DAAM1: variants seen among roughly 807,000 people sequenced by gnomAD.
The protein encoded by DAAM1 is disheveled-associated activator of morphogenesis 1.
DAAM1 carries 52 observed loss-of-function variants against 130.0 expected under a neutral mutation model. The observed-to-expected ratio is 0.40, with a 90% CI of 0.32 to 0.50. The LOEUF (loss-of-function observed/expected upper bound fraction) is 0.50. Among genes scored for constraint, DAAM1 ranks in the 20% least tolerant of loss-of-function variants. The probability of loss-of-function intolerance (pLI) is 0.61; values close to 1 mark genes in which losing one functional copy is unlikely to be tolerated. For missense variants in DAAM1, 1,134 were observed against 1,303.8 expected (o/e 0.87, Z 2.01); for synonymous variants, 452 against 444.5 (o/e 1.02, Z -0.21).
chr14:59,212,044 ACTTT>A (rs1888440761), intron 1 of DAAM1, among the ~76,000 whole-genome samples: 1 of 152,108 alleles, frequency 6.6e-6, no homozygotes, highest in Non-Finnish European at 1.5e-5. Flanking sequence ...ACATTTTGTA[ACTTT>A]CTTTATGTAG....
rs532339743 is a variant in DAAM1, at chr14:59,202,469, C to A, written c.-38+13701C>A. Among the ~76,000 whole-genome samples the A allele has an allele frequency of 1.9e-4, 29 of 152,338 alleles. No homozygotes were observed. The South Asian group carries it at 5.8e-3, about 30-fold the overall frequency. On this transcript the variant is annotated intron_variant, in intron 1 of 24. Transcript: ENST00000360909. ...ATACTTGGCATTTTATGGACTATCCCATAAACCATAAAAGCAACACCTTAA... is the reference window on the plus strand; with the variant it reads ...ATACTTGGCATTTTATGGACTATCCAATAAACCATAAAAGCAACACCTTAA...
At chr14:59,191,716 C>A (rs1887735633) in intron 1 of DAAM1, among the ~76,000 whole-genome samples, 1 of 152,168 alleles carries the variant, frequency 6.6e-6, no homozygotes, top group African/African-American at 2.4e-5. Context: ...TTCTAGATTT[C>A]TCTCAGTTGC....
chr14:59,351,583 C>T (rs1198664342), intron 17 of DAAM1, among the ~76,000 whole-genome samples: 1 of 152,150 alleles, frequency 6.6e-6, no homozygotes, highest in East Asian at 1.9e-4. Context: ...CCTCACACAA[C>T]ACCTGCCTGT....
chr14:59,324,013 C>T (rs1594822804), intron 6 of DAAM1, 115 bp from the exon 7 acceptor site: 2 of 603,882 alleles, frequency 3.3e-6, no homozygotes, highest in East Asian at 3.5e-5. Context: ...GCCTGGGCAA[C>T]AGAGCAAGAC....
At chr14:59,190,556 C>A (rs1887701871) in intron 1 of DAAM1, among the ~76,000 whole-genome samples, 1 of 152,146 alleles carries the variant, frequency 6.6e-6, no homozygotes, top group Non-Finnish European at 1.5e-5. Flanking sequence ...CCTTGTGGTT[C>A]TCATAAAATC....
intron 5 of DAAM1, among the ~76,000 whole-genome samples, chr14:59,322,100 A>G (rs894360739): frequency 6.6e-6 from 1 of 152,192 alleles, no homozygotes; most frequent in Non-Finnish European, 1.5e-5. Context: ...ACAAAACCTT[A>G]GGGATGTAGA....
intron 1 of DAAM1, among the ~76,000 whole-genome samples, chr14:59,197,474 A>G (rs145276295): frequency 1.5e-3 from 221 of 152,312 alleles, no homozygotes; most frequent in African/African-American, 4.8e-3. Flanking sequence ...CAGAAGGTTA[A>G]ATGAACAGGC....
intron 1 of DAAM1, among the ~76,000 whole-genome samples, chr14:59,220,615 G>C (rs951935278): frequency 2.6e-5 from 4 of 152,042 alleles, no homozygotes. Flanking sequence ...CCATCTGCAA[G>C]CTGGAGAACT....
chr14:59,276,947 A>G (rs1168045318), intron 2 of DAAM1, among the ~76,000 whole-genome samples: 2 of 152,154 alleles, frequency 1.3e-5, no homozygotes, highest in Non-Finnish European at 2.9e-5. Context: ...GACCTTATCT[A>G]AATATATATT....
chr14:59,193,467 T>A (rs1216044982), intron 1 of DAAM1, among the ~76,000 whole-genome samples: 1 of 152,176 alleles, frequency 6.6e-6, no homozygotes, highest in Non-Finnish European at 1.5e-5. Context: ...TACCTTTTAA[T>A]TTTTTAGTAT....
chr14:59,343,288 C>G (rs1249826512), intron 16 of DAAM1, among the ~76,000 whole-genome samples: 1 of 152,184 alleles, frequency 6.6e-6, no homozygotes, highest in Non-Finnish European at 1.5e-5. Flanking sequence ...GGGTTAACAG[C>G]TGGACCAGGG....
rs563731537 is a variant in DAAM1, at chr14:59,277,782, A to G, written c.184-13435A>G. On this transcript the variant is annotated intron_variant, in intron 2 of 24. Coordinates refer to ENST00000360909, the MANE Select transcript of DAAM1 (RefSeq NM_001270520.2). ...TAAGATGTAGTAAGATTTAGATTCT[A>G]TACTCAACTAGGGTGCTTCCTGGGG... Among the ~76,000 whole-genome samples the G allele has an allele frequency of 6.0e-4, 92 of 152,280 alleles. 1 individual carries two copies. Among genetic ancestry groups the G allele is most frequent in the African/African-American group, 1.6e-3 (65 of 41,556 alleles).
chr14:59,263,964 C>G, intron 2 of DAAM1: 1 of 432,810 alleles, frequency 2.3e-6, no homozygotes, highest in Non-Finnish European at 4.3e-6. Context: ...TAATTTGTCT[C>G]CATCCCAGTC....
intron 17 of DAAM1, among the ~76,000 whole-genome samples, chr14:59,351,767 AG>A: frequency 6.6e-6 from 1 of 151,390 alleles, no homozygotes; most frequent in South Asian, 2.1e-4. Flanking sequence ...AAAAAAAAAA[AG>A]TTAAGGGCAT....
At position 59,311,555 on chromosome 14, in the gene DAAM1, TAA is replaced by T. The variant is rs566202858; in HGVS notation, c.274-3711_274-3710del. 1.7e-3 allele frequency among the ~76,000 whole-genome samples: 240 copies of T among 141,774 alleles called. 1 individual carries two copies. The highest frequency in any genetic ancestry group is 1.9e-3 in the Non-Finnish European group (123 of 64,626). 93.0% of individuals were successfully genotyped at this position (141,774 alleles called of 152,430 possible). A position where few individuals can be genotyped will look rare whatever the true frequency, so the allele number is the denominator to read the frequency against. On this transcript the variant is annotated intron_variant, in intron 3 of 24. Transcript: ENST00000360909. The stretch of plus-strand genomic sequence containing the variant: ...TTGCATGGTATAGAAGTTTATAAGT[TAA>T]AAAAAAAAAAAAAGAAAACCTTCCC...
In DAAM1 at chr14:59,323,107, C is replaced by T. The variant is rs879260041; in HGVS notation, c.656C>T (p.Thr219Met). The change falls in exon 6 of 25, where the codon ACG (threonine) becomes ATG (methionine). Residue 219 changes from threonine to methionine, a missense_variant. Around this residue, in one of 3 missense-constraint regions of DAAM1, gnomAD observed 391 missense variants for 521.6 expected, o/e 0.75. Transcript: ENST00000360909. ...AGTCTGAGCACAGAGAACATTAAAA[C>T]GAAGGTGGCCGTGCTGGAAATCTTG... ...AQSLSTENIK[T>M]KVAVLEILGA... 8 of 1,613,496 alleles carry T rather than the reference C, an allele frequency of 5.0e-6. No homozygotes were observed. Among genetic ancestry groups the T allele is most frequent in the South Asian group, 1.1e-5 (1 of 91,010 alleles).
intron 1 of DAAM1, among the ~76,000 whole-genome samples, chr14:59,210,782 G>C (rs1469768597): frequency 6.6e-6 from 1 of 152,182 alleles, no homozygotes; most frequent in Non-Finnish European, 1.5e-5. Flanking sequence ...ATAAAAACCA[G>C]GGAAATGATA....
intron 1 of DAAM1, among the ~76,000 whole-genome samples, chr14:59,237,151 T>C (rs945402948): frequency 6.6e-6 from 1 of 152,172 alleles, no homozygotes; most frequent in Non-Finnish European, 1.5e-5. Flanking sequence ...AAAGGGTGGA[T>C]TGGAAGAGTG....
chr14:59,199,250 T>C (rs1468545247), intron 1 of DAAM1, among the ~76,000 whole-genome samples: 1 of 152,264 alleles, frequency 6.6e-6, no homozygotes, highest in African/African-American at 2.4e-5. Context: ...CAGTTCTGTT[T>C]AAATTGATCA....
Sources: gnomAD v4.1 joint callset for allele counts (sites outside exome capture counted in the v4.1 genomes callset) on GRCh38, gnomAD v4.1.1 for gene constraint, gnomAD v4.1.1 regional missense constraint, MANE v1.5 for transcripts, NCBI Gene and HGNC (gene_info 2026-07-23, HGNC 2026-07-21) for gene names.